The following DGKB variants were observed in gnomAD, a reference collection of about 807,000 sequenced individuals.
The protein encoded by DGKB is 90 kDa diacylglycerol kinase.
Under a neutral mutation model 114.3 loss-of-function variants are expected in DGKB, and 67 were observed. The ratio of observed to expected loss-of-function variants is 0.59; its 90% CI spans 0.48 to 0.72. The LOEUF (loss-of-function observed/expected upper bound fraction) is 0.72, where lower values mean the gene tolerates loss of function less well. Ranked by LOEUF, DGKB falls within the 30% of genes least tolerant of loss-of-function variation. DGKB has a pLI of 0.00. For synonymous variants in DGKB, 398 were observed against 323.1 expected (o/e 1.23, Z -2.49); for missense variants, 907 against 975.2 (o/e 0.93, Z 0.93).
intron 1 of DGKB, among the ~76,000 whole-genome samples, chr7:14,949,224 A>G (rs1323645788): frequency 6.6e-6 from 1 of 151,960 alleles, no homozygotes; most frequent in Non-Finnish European, 1.5e-5. Context: ...TGCAAATTAC[A>G]TAAGCAATAA....
At chr7:14,812,563 G>A (rs1225363319) in intron 2 of DGKB, among the ~76,000 whole-genome samples, 1 of 151,966 alleles carries the variant, frequency 6.6e-6, no homozygotes, top group Non-Finnish European at 1.5e-5. Flanking sequence ...TTCACCTGTA[G>A]AAATATCAGC....
chr7:14,164,409 A>T (rs1784346916), intron 25 of DGKB, among the ~76,000 whole-genome samples: 2 of 152,250 alleles, frequency 1.3e-5, no homozygotes, highest in African/African-American at 4.8e-5. Context: ...CCAGATAATG[A>T]AACTGGTACA....
intron 16 of DGKB, among the ~76,000 whole-genome samples, chr7:14,611,217 T>G (rs2128791511): frequency 6.6e-6 from 1 of 152,214 alleles, no homozygotes; most frequent in Admixed American, 6.6e-5. Context: ...TCTTAAACAT[T>G]TCTACTTCAA....
At chr7:14,218,222 G>T (rs1335681808) in intron 23 of DGKB, among the ~76,000 whole-genome samples, 3 of 151,870 alleles carry the variant, frequency 2.0e-5, no homozygotes, top group South Asian at 2.1e-4. Flanking sequence ...ATAGAGAAGA[G>T]GAAAAGAAAT....
intron 12 of DGKB, among the ~76,000 whole-genome samples, chr7:14,680,175 C>A (rs564237292): frequency 6.6e-6 from 1 of 151,716 alleles, no homozygotes; most frequent in African/African-American, 2.4e-5. Flanking sequence ...CACCAGAGAT[C>A]CCTGGTTAGC....
At chr7:14,654,429 G>T (rs577800001) in intron 13 of DGKB, among the ~76,000 whole-genome samples, 2 of 152,112 alleles carry the variant, frequency 1.3e-5, no homozygotes, top group African/African-American at 4.8e-5. Context: ...TCATGGATTA[G>T]AACAGTTAAT....
intron 23 of DGKB, among the ~76,000 whole-genome samples, chr7:14,330,800 G>A (rs899816058): frequency 1.3e-5 from 2 of 151,910 alleles, no homozygotes; most frequent in Non-Finnish European, 2.9e-5. Context: ...AGTGTCTGCA[G>A]TTTCTACAGT....
At chr7:14,170,960 A>G (rs937528026) in intron 25 of DGKB, among the ~76,000 whole-genome samples, 1 of 152,116 alleles carries the variant, frequency 6.6e-6, no homozygotes, top group Non-Finnish European at 1.5e-5. Context: ...AGAAAATAGC[A>G]TCTCATGGAA....
intron 23 of DGKB, among the ~76,000 whole-genome samples, chr7:14,251,393 TTTAC>T (rs1795216504): frequency 6.6e-6 from 1 of 152,148 alleles, no homozygotes; most frequent in Non-Finnish European, 1.5e-5. Context: ...ATTCTACACT[TTTAC>T]TTCTCCCACA....
chr7:14,335,786 C>T (rs953976323), intron 23 of DGKB, among the ~76,000 whole-genome samples: 1 of 152,038 alleles, frequency 6.6e-6, no homozygotes, highest in African/African-American at 2.4e-5. Context: ...AGAGTCCTTG[C>T]TCCATTGTCC....
Position 14,787,014 on chromosome 7 carries a change from A to G in DGKB, c.71-29283T>C, listed in dbSNP as rs561484469. Reference sequence around the variant, plus strand: ...AGCTATCCACTGTAAGTCTCTTCTTAGCTGAGAGTTGAGCAGATTTTGGGA... The same window carrying G: ...AGCTATCCACTGTAAGTCTCTTCTTGGCTGAGAGTTGAGCAGATTTTGGGA... On this transcript the variant is annotated intron_variant, in intron 2 of 25. Coordinates refer to ENST00000402815, the MANE Select transcript of DGKB (RefSeq NM_001350709.2). Among the ~76,000 whole-genome samples, 10 of 152,308 alleles carry G rather than the reference A, an allele frequency of 6.6e-5. No homozygotes were observed. The East Asian group carries it at 1.9e-3, about 29-fold the overall frequency.
intron 15 of DGKB, among the ~76,000 whole-genome samples, chr7:14,613,970 C>A (rs955341739): frequency 1.2e-4 from 19 of 152,118 alleles, no homozygotes; most frequent in Non-Finnish European, 2.2e-4. Flanking sequence ...GCTTTCTTTT[C>A]CTCCTTGCTG....
intron 21 of DGKB, among the ~76,000 whole-genome samples, chr7:14,409,424 G>GAATTGTTTGATATGTACCGT (rs1583716004): frequency 8.0e-5 from 6 of 74,908 alleles, no homozygotes; most frequent in East Asian, 3.1e-4. Context: ...AGAAAAAGTT[G>GAATTGTTTGATATGTACCGT]AGGCCGGGCG....
intron 12 of DGKB, among the ~76,000 whole-genome samples, chr7:14,675,429 G>T (rs750052966): frequency 3.3e-5 from 5 of 151,984 alleles, no homozygotes; most frequent in Non-Finnish European, 5.9e-5. Flanking sequence ...ATAGTTTGGG[G>T]GCATTTAGGC....
intron 2 of DGKB, chr7:14,813,988 A>C (rs1363619478): frequency 3.9e-5 from 6 of 152,156 alleles, no homozygotes; most frequent in African/African-American, 1.4e-4. Context: ...CAATTTTAGT[A>C]ATTGCTATTA....
At chr7:14,313,219 G>A (rs1477129052) in intron 23 of DGKB, among the ~76,000 whole-genome samples, 1 of 152,132 alleles carries the variant, frequency 6.6e-6, no homozygotes, top group Non-Finnish European at 1.5e-5. Flanking sequence ...TCTGTGTGAG[G>A]CTTGATTTTC....
At chr7:14,362,072 C>A (rs146092292) in intron 21 of DGKB, among the ~76,000 whole-genome samples, 1 of 151,928 alleles carries the variant, frequency 6.6e-6, no homozygotes, top group African/African-American at 2.4e-5. Context: ...CATTTAGATA[C>A]GCTTTCTATA....
At chr7:14,703,490 CTAGATACCT>C (rs1309026420) in intron 6 of DGKB, among the ~76,000 whole-genome samples, 1 of 152,276 alleles carries the variant, frequency 6.6e-6, no homozygotes, top group Middle Eastern at 3.4e-3. Context: ...AATGAAAACT[CTAGATACCT>C]TTTCTTTACT....
chr7:14,588,398 TAACTA>T (rs540111848), intron 17 of DGKB, among the ~76,000 whole-genome samples: 9 of 152,236 alleles, frequency 5.9e-5, no homozygotes, highest in African/African-American at 9.6e-5. Context: ...GTCAGTACCT[TAACTA>T]GTCTTCTGTA....
Sources: gnomAD v4.1 joint callset for allele counts (sites outside exome capture counted in the v4.1 genomes callset) on GRCh38, gnomAD v4.1.1 for gene constraint, MANE v1.5 for transcripts, NCBI Gene and HGNC (gene_info 2026-07-23, HGNC 2026-07-21) for gene names.